Variants in RHEB observed in about 807,000 individuals in gnomAD.
RHEB encodes GTP-binding protein Rheb.
In RHEB, 2 loss-of-function variants were observed where a neutral mutation model predicts 28.8. The ratio of observed to expected loss-of-function variants is 0.07; its 90% CI spans 0.03 to 0.22. RHEB has a LOEUF of 0.22. Ranked by LOEUF, RHEB falls within the 10% of genes least tolerant of loss-of-function variation. The pLI, the probability that RHEB is intolerant of heterozygous loss-of-function variation, is 1.00. For synonymous variants in RHEB, 69 were observed against 77.3 expected, an observed-to-expected ratio of 0.89 and a Z score of 0.56; for missense variants, 76 against 219.9, an observed-to-expected ratio of 0.35 and a Z score of 4.14.
rs1325476620 is a variant in RHEB, at chr7:151,498,758, C to T, written c.53-7744G>A. On this transcript the variant is annotated intron_variant, in intron 1 of 7. Coordinates refer to ENST00000262187, the MANE Select transcript of RHEB (RefSeq NM_005614.4). ...CAGCTCGGTTACACATTTACTTAAA[C>T]CTCTACCTAGTTTCATCAGTTACAG... 3.3e-5 allele frequency among the ~76,000 whole-genome samples: 5 copies of T among 152,316 alleles called. No individual in the cohort carries two copies. The East Asian group carries it at 9.6e-4, about 29-fold the overall frequency.
chr7:151,502,142 A>C, intron 1 of RHEB: 2 of 423,712 alleles, frequency 4.7e-6, no homozygotes, highest in Non-Finnish European at 8.5e-6. Context: ...AGGCTGAGGC[A>C]GAAGAATCTT....
At chr7:151,478,262 G>T (rs1802306669) in intron 3 of RHEB, among the ~76,000 whole-genome samples, 1 of 151,780 alleles carries the variant, frequency 6.6e-6, no homozygotes, top group South Asian at 2.1e-4. Flanking sequence ...GCACTATTAT[G>T]GAAAAATCAC....
At chr7:151,488,570 G>A (rs13224450) in intron 2 of RHEB, among the ~76,000 whole-genome samples, 120,898 of 152,160 alleles carry the variant, frequency 0.79, 48,103 homozygotes, top group East Asian at 0.88. Flanking sequence ...GAAAGGGTGG[G>A]CGAAGGGCTC....
At chr7:151,477,738 A>C (rs185911665) in intron 3 of RHEB, among the ~76,000 whole-genome samples, 1 of 152,350 alleles carries the variant, frequency 6.6e-6, no homozygotes, top group East Asian at 1.9e-4. Context: ...GAGCATCACT[A>C]ACTCCAGAAC....
chr7:151,483,245 C>A (rs575973733), intron 3 of RHEB, among the ~76,000 whole-genome samples: 1 of 152,328 alleles, frequency 6.6e-6, no homozygotes, highest in East Asian at 1.9e-4. Context: ...ATCACACTTT[C>A]CTTCTATGTT....
intron 1 of RHEB, among the ~76,000 whole-genome samples, chr7:151,496,004 T>C (rs1015133412): frequency 1.3e-5 from 2 of 152,204 alleles, no homozygotes; most frequent in African/African-American, 4.8e-5. Flanking sequence ...CATTGGGATA[T>C]GATGGGGAAG....
At chr7:151,519,273 T>A (rs1803138253) in intron 1 of RHEB, 187 bp downstream of exon 1, 1 of 289,516 alleles carries the variant, frequency 3.5e-6, no homozygotes, top group Non-Finnish European at 5.9e-6. Context: ...CCGCGGCTCC[T>A]CCACCGGCGC....
At chr7:151,473,747 C>T (rs1325212798) in intron 4 of RHEB, among the ~76,000 whole-genome samples, 2 of 150,548 alleles carry the variant, frequency 1.3e-5, no homozygotes, top group Non-Finnish European at 2.9e-5. Flanking sequence ...CATTTGTTCC[C>T]AAACCCACTT....
rs1282628197 is a variant in RHEB, at chr7:151,472,269, C to T, written c.276-664G>A. Among the ~76,000 whole-genome samples, 1 of 152,190 alleles carries T rather than the reference C, an allele frequency of 6.6e-6. No individual in the cohort carries two copies. The highest frequency in any genetic ancestry group is 1.5e-5 in the Non-Finnish European group (1 of 68,038). On this transcript the variant is annotated intron_variant, in intron 4 of 7. Transcript: ENST00000262187. This position sits in a 1 kb window ranked among gnomAD's most constrained non-coding sequence, Gnocchi z 5.2. The stretch of plus-strand genomic sequence containing the variant: ...ACCTAGAATCTGACGGCTTCTCACT[C>T]CCCTCCACTGCTGCCGCTGAGGTGT...
intron 1 of RHEB, among the ~76,000 whole-genome samples, chr7:151,510,451 G>A (rs1392120966): frequency 6.6e-6 from 1 of 152,138 alleles, no homozygotes; most frequent in African/African-American, 2.4e-5. Context: ...GCACCTACCC[G>A]AGTTTAAAGG....
At chr7:151,506,834 G>T (rs1422056783) in intron 1 of RHEB, among the ~76,000 whole-genome samples, 1 of 152,118 alleles carries the variant, frequency 6.6e-6, no homozygotes, top group African/African-American at 2.4e-5. Context: ...TTACTCTTTG[G>T]GGGGCCTTTA....
At chr7:151,491,086 T>TA (rs1802573454) in intron 1 of RHEB, 72 bp from the exon 2 acceptor site, 2 of 1,053,524 alleles carry the variant, frequency 1.9e-6, no homozygotes, top group African/African-American at 3.2e-5. Context: ...GCTGTTTTAT[T>TA]AAAAAACCAT....
At chr7:151,482,091 TC>T (rs1478052339) in intron 3 of RHEB, among the ~76,000 whole-genome samples, 2 of 152,212 alleles carry the variant, frequency 1.3e-5, no homozygotes, top group African/African-American at 4.8e-5. Flanking sequence ...ATGCAGCCTG[TC>T]AACACAGTTA....
chr7:151,479,433 A>C (rs1433764003), intron 3 of RHEB, among the ~76,000 whole-genome samples: 1 of 152,222 alleles, frequency 6.6e-6, no homozygotes, highest in East Asian at 1.9e-4. Context: ...CTGTAATCCC[A>C]GCACTTTGGG....
chr7:151,495,444 A>C (rs973140786), intron 1 of RHEB, among the ~76,000 whole-genome samples: 1 of 152,182 alleles, frequency 6.6e-6, no homozygotes, highest in South Asian at 2.1e-4. Flanking sequence ...AATTCTTCTG[A>C]GCTTTTATCA....
At chr7:151,511,573 T>G (rs1173602190) in intron 1 of RHEB, among the ~76,000 whole-genome samples, 1 of 136,578 alleles carries the variant, frequency 7.3e-6, no homozygotes, top group Admixed American at 7.1e-5. Context: ...CAGGAACTCC[T>G]TTTTTTTTTT....
chr7:151,498,896 C>T (rs922546314), intron 1 of RHEB, among the ~76,000 whole-genome samples: 4 of 149,678 alleles, frequency 2.7e-5, no homozygotes, highest in African/African-American at 5.1e-5. Flanking sequence ...CCATTCCATT[C>T]TGAATCCCAA....
chr7:151,500,617 G>A (rs1361618529), intron 1 of RHEB, among the ~76,000 whole-genome samples: 1 of 152,174 alleles, frequency 6.6e-6, no homozygotes, highest in African/African-American at 2.4e-5. Context: ...GCCAAGGTGC[G>A]AAGATCGCTT....
intron 3 of RHEB, among the ~76,000 whole-genome samples, chr7:151,480,929 C>A (rs1030079791): frequency 2.0e-5 from 3 of 152,130 alleles, no homozygotes; most frequent in Non-Finnish European, 4.4e-5. Context: ...AGTGATCCAC[C>A]CGCCTTGGCC....
Sources: allele counts gnomAD v4.1 joint callset (sites outside exome capture counted in the v4.1 genomes callset), GRCh38; gene constraint gnomAD v4.1.1; non-coding constraint Gnocchi (gnomAD v3.1); transcripts MANE v1.5; gene names NCBI Gene and HGNC (gene_info 2026-07-23, HGNC 2026-07-21).